SLC24A1: variants seen among roughly 807,000 people sequenced by gnomAD.
The protein encoded by SLC24A1 is solute carrier family 24 member 1, also known as sodium/potassium/calcium exchanger 1.
Under a neutral mutation model 88.1 loss-of-function variants are expected in SLC24A1, and 52 were observed. The ratio of observed to expected loss-of-function variants is 0.59; its 90% CI spans 0.47 to 0.74. The LOEUF (loss-of-function observed/expected upper bound fraction) is 0.74, where lower values mean the gene tolerates loss of function less well. SLC24A1 is among the 30% of genes least tolerant of loss of function. The probability of loss-of-function intolerance (pLI) is 0.00; values close to 1 mark genes in which losing one functional copy is unlikely to be tolerated. For missense variants in SLC24A1, 1,173 were observed against 1,363.3 expected, an observed-to-expected ratio of 0.86 and a Z score of 2.20; for synonymous variants, 455 against 498.0, an observed-to-expected ratio of 0.91 and a Z score of 1.15.
intron 4 of SLC24A1, among the ~76,000 whole-genome samples, chr15:65,640,557 A>G (rs1390873332): frequency 6.6e-6 from 1 of 152,180 alleles, no homozygotes; most frequent in Non-Finnish European, 1.5e-5. Context: ...AGGAAATGCT[A>G]GCCTTTGTGC....
chr15:65,629,784 T>A (rs769666388), intron 2 of SLC24A1, among the ~76,000 whole-genome samples: 6 of 152,086 alleles, frequency 3.9e-5, no homozygotes, highest in Admixed American at 6.5e-5. Context: ...ACATGAGGTG[T>A]ATGATTAGCA....
rs1288181391 is a variant in SLC24A1, at chr15:65,639,261, G to A, written c.1945-334G>A. ...TGTGCAGTGGGTCTGTCTGTGTGGTGTGTGGGTGAGGGAGTGTTTCTGAGG... is the reference window on the plus strand; with the variant it reads ...TGTGCAGTGGGTCTGTCTGTGTGGTATGTGGGTGAGGGAGTGTTTCTGAGG... On this transcript the variant is annotated intron_variant, in intron 3 of 9. Transcript: ENST00000261892. Among the ~76,000 whole-genome samples, 3 of 152,246 alleles carry A rather than the reference G, an allele frequency of 2.0e-5. No individual in the cohort carries two copies. The South Asian group carries it at 6.2e-4, about 31-fold the overall frequency.
Position 65,655,753 on chromosome 15 carries a change from C to A in SLC24A1, c.*1674C>A. ...TGATGGCTAAGGTGTTCCAAGTATT[C>A]CATCTTTTAAGATGAATTGCTTAAT... is the stretch of plus-strand genomic sequence containing the variant. On this transcript the variant is annotated 3_prime_UTR_variant, in exon 10 of 10. Transcript: ENST00000261892. 1 of 985,310 alleles carries A rather than the reference C, an allele frequency of 1.0e-6. No homozygotes were observed. Among genetic ancestry groups the A allele is most frequent in the Non-Finnish European group, 1.2e-6 (1 of 829,874 alleles). 61.0% of individuals were successfully genotyped at this position (985,310 alleles called of 1,614,324 possible).
intron 6 of SLC24A1, among the ~76,000 whole-genome samples, chr15:65,649,520 A>G (rs953689992): frequency 6.6e-6 from 1 of 152,240 alleles, no homozygotes; most frequent in Admixed American, 6.5e-5. Context: ...CCCATATTCA[A>G]ATCCCAACTT....
chr15:65,653,223 C>T (rs765728249), intron 9 of SLC24A1, among the ~76,000 whole-genome samples: 1 of 152,180 alleles, frequency 6.6e-6, no homozygotes, highest in Non-Finnish European at 1.5e-5. Context: ...TTGTATAACA[C>T]GCAAATGCCT....
At position 65,634,662 on chromosome 15, in the gene SLC24A1, G is replaced by C. The variant is rs530968517; in HGVS notation, c.1891-3466G>C. ...TCGAAATATGAAATAGAGCCACTAG[G>C]GAATATAGATTTGACCTCATTTCCT... On this transcript the variant is annotated intron_variant, in intron 2 of 9. Coordinates refer to ENST00000261892, the MANE Select transcript of SLC24A1 (RefSeq NM_004727.3). Among the ~76,000 whole-genome samples, 219 of 150,792 alleles carry C rather than the reference G, an allele frequency of 1.5e-3. 1 individual carries two copies. Among genetic ancestry groups the C allele is most frequent in the African/African-American group, 4.8e-3 (198 of 41,006 alleles).
In SLC24A1 at chr15:65,650,822, GGGAAATGAAGAGCCTCTGTCCCT is replaced by G. The variant is rs974693995; in HGVS notation, c.2677_2699del (p.Asn893LeufsTer3). ...AGGAGGAGGAGGAAGAGGAGGAGAA[GGGAAATGAAGAGCCTCTGTCCCT>G]GGACTGGCCTGAAACCAGGCAGAAG... On this transcript the variant is annotated frameshift_variant, in exon 7 of 10. Transcript: ENST00000261892. LOFTEE classifies it high-confidence loss of function. This position sits in a 1 kb window ranked among gnomAD's most constrained non-coding sequence, Gnocchi z 4.1. The G allele has an allele frequency of 1.2e-6, 2 of 1,613,268 alleles. No individual in the cohort carries two copies. Among genetic ancestry groups the G allele is most frequent in the African/African-American group, 2.7e-5 (2 of 74,800 alleles).
chr15:65,653,752 A>G (rs951701212), intron 9 of SLC24A1, 78 bp from the exon 10 acceptor site: 10 of 1,383,430 alleles, frequency 7.2e-6, no homozygotes, highest in Non-Finnish European at 1.0e-5. Flanking sequence ...AATACTTTGT[A>G]AAGTATAAAC....
upstream of SLC24A1, chr15:65,621,932 C>T (rs539936532): frequency 6.6e-6 from 1 of 152,390 alleles, no homozygotes; most frequent in Non-Finnish European, 1.5e-5. Context: ...CCCTGAGCTG[C>T]CCTTCACACC....
Position 65,650,908 on chromosome 15 carries a change from C to CT in SLC24A1, c.2759_2760insT (p.Leu921ThrfsTer14). On this transcript the variant is annotated frameshift_variant, in exon 7 of 10. Transcript: ENST00000261892. LOFTEE classifies it high-confidence loss of function. This position sits in a 1 kb window ranked among gnomAD's most constrained non-coding sequence, Gnocchi z 4.1. ...CTCTTCCTTCTGCCCATCGTGTTCC[C>CT]ACTGTGGCTGACAGTCCCCGACGTC... The CT allele has an allele frequency of 6.2e-7, 1 of 1,613,960 alleles. No homozygotes were observed. The highest frequency in any genetic ancestry group is 2.2e-5 in the East Asian group (1 of 44,862).
chr15:65,613,626 A>G lies in SLC24A1; in HGVS notation c.-228+1013A>G, dbSNP rs377748516. ...CAACCTCCCACGTAGCTGGGACTAC[A>G]GGCATGTGCCACCATGCCTGGCTAA... On this transcript the variant is annotated intron_variant, in intron 2 of 11. Transcript: ENST00000537259. Among the ~76,000 whole-genome samples the G allele has an allele frequency of 1.4e-3, 207 of 152,158 alleles. 1 individual carries two copies. Among genetic ancestry groups the G allele is most frequent in the African/African-American group, 4.6e-3 (193 of 41,508 alleles).
At chr15:65,635,440 C>T (rs192623285) in intron 2 of SLC24A1, among the ~76,000 whole-genome samples, 143 of 96,538 alleles carry the variant, frequency 1.5e-3, no homozygotes, top group Middle Eastern at 8.8e-3. Flanking sequence ...AGTGAGACTC[C>T]GTCTCCAAAA....
chr15:65,615,606 G>A (rs745663451), intron 2 of SLC24A1, among the ~76,000 whole-genome samples: 23 of 151,934 alleles, frequency 1.5e-4, no homozygotes, highest in Admixed American at 1.4e-3. Flanking sequence ...GCCTGAATCC[G>A]GGAGGTGGAG....
In SLC24A1 at chr15:65,625,152, A is replaced by C; in HGVS notation, c.1072A>C (p.Lys358Gln). The C allele has an allele frequency of 1.9e-6, 3 of 1,613,826 alleles. No individual in the cohort carries two copies. Among genetic ancestry groups the C allele is most frequent in the Non-Finnish European group, 2.5e-6 (3 of 1,179,900 alleles). ...PSPRTSVSAI[K>Q]TAPAIVWRLA... ...ACCCAGGACCAGTGTATCAGCCATC[A>C]AAACAGCCCCAGCCATAGTCTGGAG... Residue 358 changes from lysine (K) to glutamine (Q), a missense_variant, in exon 2 of 10, where the codon AAA becomes CAA. Lys to Gln is a moderately conservative substitution (Grantham distance 53, BLOSUM62 1). Transcript: ENST00000261892.
Position 65,656,038 on chromosome 15 carries a change from A to G in SLC24A1, c.*1959A>G, listed in dbSNP as rs1596361110. 2.2e-5 allele frequency: 22 copies of G among 985,308 alleles called. No homozygotes were observed. Among genetic ancestry groups the G allele is most frequent in the Non-Finnish European group, 2.4e-5 (20 of 829,908 alleles). 61.0% of individuals were successfully genotyped at this position (985,308 alleles called of 1,614,324 possible). A position where few individuals can be genotyped will look rare whatever the true frequency, so the allele number is the denominator to read the frequency against. On this transcript the variant is annotated 3_prime_UTR_variant, in exon 10 of 10. Transcript: ENST00000261892. The stretch of plus-strand genomic sequence containing the variant: ...AGCCAAGGCCTAAGAACAGGAGGAG[A>G]AGGCAATGCTTGTGGGAGGGAGGTC...
At chr15:65,613,932 A>G (rs1273903620) in intron 2 of SLC24A1, among the ~76,000 whole-genome samples, 1 of 152,044 alleles carries the variant, frequency 6.6e-6, no homozygotes, top group East Asian at 1.9e-4. Context: ...TTTGCCCTGC[A>G]TTTCCCTTTC....
intron 2 of SLC24A1, among the ~76,000 whole-genome samples, chr15:65,637,085 G>A (rs904174028): frequency 9.2e-5 from 14 of 152,156 alleles, no homozygotes; most frequent in Admixed American, 8.5e-4. Flanking sequence ...AATTCATGCA[G>A]TGAAAAGTTA....
rs1006656741 is a variant in SLC24A1, at chr15:65,624,224, C to T, written c.144C>T (p.Ser48=). The T allele has an allele frequency of 1.9e-6, 3 of 1,613,782 alleles. No homozygotes were observed. In the African/African-American group the frequency reaches 4.0e-5, roughly 22 times the overall value. ...YQHLRRPRGL[S]SLWAAVSSHQ... is the part of the protein sequence containing the mutation. ...ACCTTAGGAGACCCCGGGGCCTTTC[C>T]TCATTGTGGGCAGCAGTCTCTTCTC... Residue 48 remains serine, a synonymous_variant, in exon 2 of 10, where the codon TCC becomes TCT. Coordinates refer to ENST00000261892, the MANE Select transcript of SLC24A1 (RefSeq NM_004727.3).
At position 65,625,166 on chromosome 15, in the gene SLC24A1, C is replaced by A; in HGVS notation, c.1086C>A (p.Ala362=). 1 of 1,613,946 alleles carries A rather than the reference C, an allele frequency of 6.2e-7. No individual in the cohort carries two copies. Among genetic ancestry groups the A allele is most frequent in the Admixed American group, 1.7e-5 (1 of 60,024 alleles). ...TATCAGCCATCAAAACAGCCCCAGC[C>A]ATAGTCTGGAGGCTGGCAAAGAAAC... is the stretch of plus-strand genomic sequence containing the variant. ...TSVSAIKTAP[A]IVWRLAKKPS... Residue 362 remains alanine (A), a synonymous_variant, in exon 2 of 10, where the codon GCC becomes GCA. Transcript: ENST00000261892.
Sources: allele counts gnomAD v4.1 joint callset (sites outside exome capture counted in the v4.1 genomes callset), GRCh38; gene constraint gnomAD v4.1.1; non-coding constraint Gnocchi (gnomAD v3.1); transcripts MANE v1.5; gene names NCBI Gene and HGNC (gene_info 2026-07-23, HGNC 2026-07-21).